PLXNA4: variants seen among roughly 807,000 people sequenced by gnomAD.
PLXNA4 encodes plexin A4, also known as plexin-A4.
PLXNA4 carries 44 observed loss-of-function variants against 191.8 expected under a neutral mutation model. The observed-to-expected ratio is 0.23, with a 90% CI of 0.18 to 0.29. PLXNA4 has a LOEUF of 0.29. Ranked by LOEUF, PLXNA4 falls within the 10% of genes least tolerant of loss-of-function variation. The pLI, the probability that PLXNA4 is intolerant of heterozygous loss-of-function variation, is 1.00. For missense variants in PLXNA4, 1,800 were observed against 2,488.8 expected, an observed-to-expected ratio of 0.72 and a Z score of 5.89; for synonymous variants, 1,082 against 1,009.5, an observed-to-expected ratio of 1.07 and a Z score of -1.36.
At chr7:132,283,898 G>C (rs540343703) in intron 4 of PLXNA4, among the ~76,000 whole-genome samples, 1 of 152,366 alleles carries the variant, frequency 6.6e-6, no homozygotes, top group East Asian at 1.9e-4. Context: ...TCAAGGGCTG[G>C]ATAGAGTGGC....
intron 3 of PLXNA4, among the ~76,000 whole-genome samples, chr7:132,304,023 C>T (rs1801416355): frequency 6.6e-6 from 1 of 152,200 alleles, no homozygotes. Flanking sequence ...TAATACAACA[C>T]ATAGCAGGTA....
chr7:132,154,956 G>A (rs369235952), intron 25 of PLXNA4, among the ~76,000 whole-genome samples: 12 of 152,356 alleles, frequency 7.9e-5, no homozygotes, highest in African/African-American at 2.9e-4. Context: ...ATCTTTATCT[G>A]TCCTTCCCAT....
chr7:132,463,840 G>A (rs886275120), intron 3 of PLXNA4, among the ~76,000 whole-genome samples: 12 of 152,166 alleles, frequency 7.9e-5, no homozygotes, highest in Non-Finnish European at 1.5e-4. Context: ...AGCATCAGTG[G>A]ATAAAACAGA....
intron 3 of PLXNA4, among the ~76,000 whole-genome samples, chr7:132,412,537 C>T (rs1457108678): frequency 6.6e-6 from 1 of 152,180 alleles, no homozygotes; most frequent in Non-Finnish European, 1.5e-5. Context: ...AAATATCACA[C>T]AAAAATCTAT....
chr7:132,322,184 C>CTTTTTTTTTTTTTTTTTTTTT lies in PLXNA4; in HGVS notation c.1372-23963_1372-23962insAAAAAAAAAAAAAAAAAAAAA, dbSNP rs5887566. ...CTAGAGTTCAATTTCCCTAAAAGGG[C>CTTTTTTTTTTTTTTTTTTTTT]TTTTTTTTTTTTTTTTTTAACAGAG... On this transcript the variant is annotated intron_variant, in intron 3 of 31. Coordinates refer to ENST00000321063, the MANE Select transcript of PLXNA4 (RefSeq NM_020911.2). Among the ~76,000 whole-genome samples the CTTTTTTTTTTTTTTTTTTTTT allele has an allele frequency of 2.2e-3, 270 of 122,468 alleles. 10 individuals are homozygous for CTTTTTTTTTTTTTTTTTTTTT. Among genetic ancestry groups the CTTTTTTTTTTTTTTTTTTTTT allele is most frequent in the Middle Eastern group, 4.3e-3 (1 of 232 alleles). The allele number at this position is 122,468 out of a possible 152,430, so 80.3% of individuals were successfully genotyped here. A position where few individuals can be genotyped will look rare whatever the true frequency, so the allele number is the denominator to read the frequency against.
intron 1 of PLXNA4, among the ~76,000 whole-genome samples, chr7:132,516,106 G>A (rs2116324905): frequency 6.6e-6 from 1 of 152,262 alleles, no homozygotes; most frequent in Middle Eastern, 3.4e-3. Context: ...GTAAATCTTG[G>A]TGCTTCAAGT....
intron 2 of PLXNA4, among the ~76,000 whole-genome samples, chr7:132,631,974 C>T (rs145602292): frequency 6.6e-6 from 1 of 152,178 alleles, no homozygotes; most frequent in Non-Finnish European, 1.5e-5. Flanking sequence ...GTGGCTCATG[C>T]CTGTAATCCC....
chr7:132,393,858 C>T (rs2117006605), intron 3 of PLXNA4, among the ~76,000 whole-genome samples: 1 of 152,248 alleles, frequency 6.6e-6, no homozygotes, highest in South Asian at 2.1e-4. Context: ...GCAGCAGAGC[C>T]CAGGCTTGAC....
chr7:132,451,789 C>T (rs1247517227), intron 3 of PLXNA4, among the ~76,000 whole-genome samples: 2 of 152,248 alleles, frequency 1.3e-5, no homozygotes, highest in African/African-American at 2.4e-5. Flanking sequence ...TCCTAAGCTA[C>T]CCCAGTGGCC....
At chr7:132,480,236 G>A (rs997736040) in intron 3 of PLXNA4, among the ~76,000 whole-genome samples, 5 of 152,314 alleles carry the variant, frequency 3.3e-5, no homozygotes, top group African/African-American at 9.6e-5. Context: ...GGGTGAAAGT[G>A]AGGAAAGTAG....
chr7:132,161,272 C>T (rs1795941181), intron 24 of PLXNA4, among the ~76,000 whole-genome samples: 1 of 152,234 alleles, frequency 6.6e-6, no homozygotes, highest in African/African-American at 2.4e-5. Flanking sequence ...CTAATTGCCG[C>T]AGGAATTCAG....
chr7:132,203,436 G>A lies in PLXNA4; in HGVS notation c.2299-17C>T. ...ATAGGAATACTGCAGCCAGGTCGGG[G>A]AGGAGGAAAGAAGAAAGTGGGGTCA... On this transcript the variant is annotated splice_polypyrimidine_tract_variant and intron_variant, in intron 10 of 31. Transcript: ENST00000321063. 6.2e-7 allele frequency: 1 copy of A among 1,610,484 alleles called. No homozygotes were observed. Among genetic ancestry groups the A allele is most frequent in the Non-Finnish European group, 8.5e-7 (1 of 1,176,686 alleles).
At chr7:132,412,570 A>C (rs575775149) in intron 3 of PLXNA4, among the ~76,000 whole-genome samples, 1 of 152,346 alleles carries the variant, frequency 6.6e-6, no homozygotes, top group South Asian at 2.1e-4. Context: ...CATAGAGGGC[A>C]ATTGCTTTTT....
intron 3 of PLXNA4, chr7:132,485,011 G>A: frequency 6.2e-7 from 1 of 1,611,312 alleles, no homozygotes; most frequent in Non-Finnish European, 8.5e-7. Flanking sequence ...CTGTGCCGAA[G>A]GACTAGGGAA....
chr7:132,168,551 G>T lies in PLXNA4; in HGVS notation c.4039C>A (p.Arg1347Ser), dbSNP rs369917118. The T allele has an allele frequency of 6.3e-7, 1 of 1,592,176 alleles. No individual in the cohort carries two copies. The highest frequency in any genetic ancestry group is 1.2e-5 in the South Asian group (1 of 86,862). ...DLEVPGYRQE[R>S]VEKGLKLFAQ... is the part of the protein sequence containing the mutation. ...AAGAGCTTCAGGCCTTTCTCCACAC[G>T]CTCCTGCCGGTAGCCCGGGACCTGC... is the stretch of plus-strand genomic sequence containing the variant. Residue 1347 changes from arginine to serine, a missense_variant, in exon 22 of 32, where the codon CGT becomes AGT. Around this residue, in one of 6 missense-constraint regions of PLXNA4, gnomAD observed 1,397 missense variants for 1,880.4 expected, o/e 0.74. Coordinates refer to ENST00000321063, the MANE Select transcript of PLXNA4 (RefSeq NM_020911.2).
chr7:132,124,290 G>T lies in PLXNA4; in HGVS notation c.*6189C>A, dbSNP rs771250759. The stretch of plus-strand genomic sequence containing the variant: ...AACAAGTCAACAAGCTAACTAGAAC[G>T]TCGGGGAGGGAGAGGAAAGGAGGAC... On this transcript the variant is annotated 3_prime_UTR_variant, in exon 32 of 32. Transcript: ENST00000321063. 6.6e-6 allele frequency: 1 copy of T among 152,176 alleles called. No homozygotes were observed. Among genetic ancestry groups the T allele is most frequent in the Non-Finnish European group, 1.5e-5 (1 of 68,030 alleles). The allele number at this position is 152,176 out of a possible 1,614,324, so 9.4% of individuals were successfully genotyped here.
intron 5 of PLXNA4, among the ~76,000 whole-genome samples, chr7:132,229,900 C>T (rs536207620): frequency 6.6e-6 from 1 of 152,018 alleles, no homozygotes; most frequent in Non-Finnish European, 1.5e-5. Flanking sequence ...CTCCTCCTAA[C>T]CTTTGGCCAC....
At chr7:132,632,200 C>A (rs755120701) in intron 2 of PLXNA4, among the ~76,000 whole-genome samples, 4 of 137,960 alleles carry the variant, frequency 2.9e-5, no homozygotes, top group African/African-American at 5.5e-5. Flanking sequence ...TGTACCACTG[C>A]ACTCCAGCCT....
At chr7:132,313,451 G>C (rs1801824439) in intron 3 of PLXNA4, among the ~76,000 whole-genome samples, 1 of 152,144 alleles carries the variant, frequency 6.6e-6, no homozygotes, top group South Asian at 2.1e-4. Context: ...TAGCCAAAAG[G>C]CAGTTGGAAT....
Sources: gnomAD v4.1 joint callset for allele counts (sites outside exome capture counted in the v4.1 genomes callset) on GRCh38, gnomAD v4.1.1 for gene constraint, gnomAD v4.1.1 regional missense constraint, MANE v1.5 for transcripts, NCBI Gene and HGNC (gene_info 2026-07-23, HGNC 2026-07-21) for gene names.